CTNND2: variants seen among roughly 807,000 people sequenced by gnomAD.
CTNND2 encodes catenin delta-2.
A neutral mutation model predicts 144.4 loss-of-function variants in CTNND2; 22 were observed. That is an observed-to-expected ratio of 0.15 (90% CI 0.11 to 0.22). CTNND2 has a LOEUF of 0.22. CTNND2 is among the 10% of genes least tolerant of loss of function. CTNND2 has a pLI of 1.00. For synonymous variants in CTNND2, 751 were observed against 695.6 expected, an observed-to-expected ratio of 1.08 and a Z score of -1.25; for missense variants, 1,353 against 1,618.8, an observed-to-expected ratio of 0.84 and a Z score of 2.82.
intron 2 of CTNND2, among the ~76,000 whole-genome samples, chr5:11,634,394 T>C (rs1781574279): frequency 6.6e-6 from 1 of 152,014 alleles, no homozygotes; most frequent in Non-Finnish European, 1.5e-5. Flanking sequence ...GCCAGAAAAA[T>C]ACCTTCTGCT....
chr5:11,240,123 C>CA (rs1561073624), intron 9 of CTNND2, among the ~76,000 whole-genome samples: 48 of 148,672 alleles, frequency 3.2e-4, no homozygotes, highest in African/African-American at 1.1e-3. Flanking sequence ...CACACACACA[C>CA]CCCCAACACA....
chr5:11,535,057 G>A (rs956581750), intron 3 of CTNND2, among the ~76,000 whole-genome samples: 10 of 151,782 alleles, frequency 6.6e-5, no homozygotes, highest in East Asian at 3.9e-4. Context: ...GCATGGTGGC[G>A]GATGCCTGTA....
At chr5:11,519,800 T>G (rs754708791) in intron 3 of CTNND2, among the ~76,000 whole-genome samples, 17 of 151,898 alleles carry the variant, frequency 1.1e-4, no homozygotes, top group Non-Finnish European at 1.9e-4. Context: ...ATCCCTCCTT[T>G]CTGAGAAAAC....
At chr5:11,840,479 G>A (rs375284078) in intron 1 of CTNND2, among the ~76,000 whole-genome samples, 171 of 152,188 alleles carry the variant, frequency 1.1e-3, no homozygotes, top group African/African-American at 3.9e-3. Context: ...TAATCAAGAC[G>A]ATAAATATCT....
At chr5:11,498,594 A>G (rs1283385230) in intron 3 of CTNND2, among the ~76,000 whole-genome samples, 1 of 152,204 alleles carries the variant, frequency 6.6e-6, no homozygotes, top group East Asian at 1.9e-4. Context: ...TGCCATATCC[A>G]TGAGCTCAGT....
intron 2 of CTNND2, among the ~76,000 whole-genome samples, chr5:11,673,599 T>C (rs1561680911): frequency 6.6e-6 from 1 of 152,190 alleles, no homozygotes; most frequent in Non-Finnish European, 1.5e-5. Flanking sequence ...AAAATCTTAT[T>C]CTGAAGGCTG....
chr5:11,155,180 C>T (rs1395928408), intron 12 of CTNND2, among the ~76,000 whole-genome samples: 6 of 152,176 alleles, frequency 3.9e-5, no homozygotes, highest in Middle Eastern at 6.3e-3. Flanking sequence ...GGTCCCTCAA[C>T]ACATGTTTTT....
intron 2 of CTNND2, among the ~76,000 whole-genome samples, chr5:11,619,446 C>G (rs1780731720): frequency 6.6e-6 from 1 of 151,944 alleles, no homozygotes; most frequent in Admixed American, 6.6e-5. Flanking sequence ...AAAATTTATT[C>G]TCAGTATTTT....
chr5:11,240,411 AACACACACTGACACACACT>A (rs1742187127), intron 9 of CTNND2, among the ~76,000 whole-genome samples: 2 of 56,352 alleles, frequency 3.5e-5, no homozygotes, highest in Admixed American at 2.2e-4. Context: ...ACACACCCAC[AACACACACTGACACACACT>A]CACACACACC....
chr5:11,362,096 G>T (rs568342115), intron 8 of CTNND2, among the ~76,000 whole-genome samples: 4 of 152,290 alleles, frequency 2.6e-5, no homozygotes, highest in African/African-American at 9.6e-5. Context: ...CAAGGAGTTA[G>T]GGTGTCTGCT....
intron 12 of CTNND2, among the ~76,000 whole-genome samples, chr5:11,157,782 A>AT (rs2149764143): frequency 6.6e-6 from 1 of 152,300 alleles, no homozygotes; most frequent in African/African-American, 2.4e-5. Flanking sequence ...AAATGGCATC[A>AT]TTTTTTGCTT....
intron 11 of CTNND2, among the ~76,000 whole-genome samples, chr5:11,189,558 A>T (rs906644727): frequency 6.6e-6 from 1 of 152,176 alleles, no homozygotes; most frequent in East Asian, 1.9e-4. Context: ...TCTTAATAAC[A>T]TTTTATTTTC....
intron 7 of CTNND2, among the ~76,000 whole-genome samples, chr5:11,380,061 T>G (rs1758326507): frequency 6.6e-6 from 1 of 152,180 alleles, no homozygotes; most frequent in South Asian, 2.1e-4. Context: ...CTGGGACCAC[T>G]TCATCAAGGA....
intron 2 of CTNND2, among the ~76,000 whole-genome samples, chr5:11,603,794 A>G (rs55648108): frequency 6.6e-6 from 1 of 152,084 alleles, no homozygotes; most frequent in African/African-American, 2.4e-5. Context: ...TTGTTCCAGG[A>G]ACTCTTCTGA....
chr5:11,053,126 GA>G (rs1255040848), intron 16 of CTNND2, among the ~76,000 whole-genome samples: 2 of 152,200 alleles, frequency 1.3e-5, no homozygotes, highest in African/African-American at 4.8e-5. Flanking sequence ...CTGCTAGGCT[GA>G]GTTAATCTCA....
At chr5:11,768,976 T>C (rs528950480) in intron 1 of CTNND2, among the ~76,000 whole-genome samples, 24 of 152,190 alleles carry the variant, frequency 1.6e-4, no homozygotes, top group Non-Finnish European at 3.5e-4. Context: ...GGAAAGAAGA[T>C]AGTTTTTGTA....
chr5:11,487,795 C>G (rs939844699), intron 3 of CTNND2, among the ~76,000 whole-genome samples: 1 of 152,158 alleles, frequency 6.6e-6, no homozygotes, highest in Non-Finnish European at 1.5e-5. Flanking sequence ...CAACTCCATG[C>G]GACCTCATGT....
chr5:11,776,679 C>G (rs1284284235), intron 1 of CTNND2, among the ~76,000 whole-genome samples: 2 of 152,080 alleles, frequency 1.3e-5, no homozygotes, highest in East Asian at 3.9e-4. Context: ...GATTTCCACC[C>G]AGAATATATC....
intron 3 of CTNND2, among the ~76,000 whole-genome samples, chr5:11,476,369 C>G (rs1437679266): frequency 2.0e-5 from 3 of 152,038 alleles, no homozygotes; most frequent in African/African-American, 7.3e-5. Context: ...GTTATATGCA[C>G]GATTTCACTC....
Sources: gnomAD v4.1 joint callset for allele counts (sites outside exome capture counted in the v4.1 genomes callset) on GRCh38, gnomAD v4.1.1 for gene constraint, MANE v1.5 for transcripts, NCBI Gene and HGNC (gene_info 2026-07-23, HGNC 2026-07-21) for gene names.